The following ATP9A variants were observed in gnomAD, a reference collection of about 807,000 sequenced individuals.
The protein encoded by ATP9A is probable phospholipid-transporting ATPase IIA.
Under a neutral mutation model 144.1 loss-of-function variants are expected in ATP9A, and 52 were observed. That is an observed-to-expected ratio of 0.36 (90% CI 0.29 to 0.45). The LOEUF is 0.45. Ranked by LOEUF, ATP9A falls within the 20% of genes least tolerant of loss-of-function variation. The probability of loss-of-function intolerance (pLI) is 1.00; values close to 1 mark genes in which losing one functional copy is unlikely to be tolerated. For missense variants in ATP9A, 947 were observed against 1,392.7 expected (o/e 0.68, Z 5.09); for synonymous variants, 582 against 557.4 (o/e 1.04, Z -0.62).
At chr20:51,629,910 A>G (rs141939554) in intron 15 of ATP9A, among the ~76,000 whole-genome samples, 2 of 152,348 alleles carry the variant, frequency 1.3e-5, no homozygotes, top group Non-Finnish European at 2.9e-5. Context: ...AGGACCCCTC[A>G]GTGGTATAAC....
intron 18 of ATP9A, among the ~76,000 whole-genome samples, chr20:51,624,049 G>A (rs1448007843): frequency 6.6e-6 from 1 of 152,184 alleles, no homozygotes; most frequent in African/African-American, 2.4e-5. Context: ...GAAGTCTTAG[G>A]AATGGCCAGG....
At chr20:51,683,441 T>C (rs1294341651) in intron 9 of ATP9A, among the ~76,000 whole-genome samples, 2 of 151,778 alleles carry the variant, frequency 1.3e-5, no homozygotes, top group Non-Finnish European at 2.9e-5. Context: ...ATTATTATTA[T>C]TATTATTATT....
chr20:51,616,914 T>TA (rs1209849076), intron 22 of ATP9A, among the ~76,000 whole-genome samples: 1 of 151,580 alleles, frequency 6.6e-6, no homozygotes, highest in African/African-American at 2.4e-5. Flanking sequence ...GAAGTATACT[T>TA]ACCATACCCT....
At chr20:51,725,659 T>C (rs1469504347) in intron 3 of ATP9A, among the ~76,000 whole-genome samples, 160 bp downstream of exon 3, 1 of 152,166 alleles carries the variant, frequency 6.6e-6, no homozygotes, top group Non-Finnish European at 1.5e-5. Flanking sequence ...GAAATGGAGC[T>C]TCAACGTTAA....
At chr20:51,619,075 T>C (rs374621594) in intron 19 of ATP9A, 32 bp from the exon 20 acceptor site, 55 of 1,580,374 alleles carry the variant, frequency 3.5e-5, no homozygotes, top group African/African-American at 8.1e-5. Flanking sequence ...GAAGGAGGCA[T>C]TGCTCTCCGG....
chr20:51,752,997 G>A (rs983018257), intron 1 of ATP9A, among the ~76,000 whole-genome samples: 2 of 152,192 alleles, frequency 1.3e-5, no homozygotes, highest in East Asian at 1.9e-4. Context: ...AGCTACTTGG[G>A]AGGCTGAGGC....
rs140745192 is a variant in ATP9A at position 51,706,410 on chromosome 20, T to C, written c.436+6556A>G. Among the ~76,000 whole-genome samples the C allele has an allele frequency of 2.2e-4, 34 of 152,268 alleles. No homozygotes were observed. In the East Asian group the frequency reaches 3.5e-3, roughly 16 times the overall value. On this transcript the variant is annotated intron_variant, in intron 4 of 27. Transcript: ENST00000338821. ...CCTAGCAATGAGTGAGAGAAAGAAA[T>C]GTTTTCCTTCCCTACATCCACACCC... is the stretch of plus-strand genomic sequence containing the variant.
intron 4 of ATP9A, among the ~76,000 whole-genome samples, chr20:51,708,714 C>T (rs373863737): frequency 3.9e-5 from 6 of 151,992 alleles, no homozygotes; most frequent in African/African-American, 1.2e-4. Flanking sequence ...CTAGCCTGGG[C>T]GACAGAGCAA....
At chr20:51,696,786 T>C (rs2077572465) in intron 5 of ATP9A, among the ~76,000 whole-genome samples, 1 of 152,200 alleles carries the variant, frequency 6.6e-6, no homozygotes, top group South Asian at 2.1e-4. Context: ...TAGCTCAATT[T>C]CTACAGAAAC....
At chr20:51,644,267 C>CTT (rs772071945) in intron 14 of ATP9A, among the ~76,000 whole-genome samples, 3,340 of 75,396 alleles carry the variant, frequency 0.044, 283 homozygotes, top group African/African-American at 0.089. Flanking sequence ...TTACTTCTAG[C>CTT]TTTTTTTTTT....
chr20:51,656,435 C>T (rs567973187), intron 14 of ATP9A, among the ~76,000 whole-genome samples: 3 of 152,180 alleles, frequency 2.0e-5, no homozygotes, highest in Middle Eastern at 3.4e-3. Flanking sequence ...TGCCTGTAAT[C>T]CCAGCTATTC....
intron 3 of ATP9A, among the ~76,000 whole-genome samples, chr20:51,720,690 C>T (rs1601125892): frequency 6.6e-6 from 1 of 152,060 alleles, no homozygotes; most frequent in Admixed American, 6.6e-5. Flanking sequence ...AAAAATTAGC[C>T]GGGTGTGGTA....
At chr20:51,697,974 TTAGA>T (rs1476386618) in intron 4 of ATP9A, among the ~76,000 whole-genome samples, 1 of 152,222 alleles carries the variant, frequency 6.6e-6, no homozygotes, top group South Asian at 2.1e-4. Context: ...TGCTGGATGT[TTAGA>T]TAAACAGTAA....
At chr20:51,735,505 G>A (rs888670986) in intron 1 of ATP9A, among the ~76,000 whole-genome samples, 4 of 152,208 alleles carry the variant, frequency 2.6e-5, no homozygotes, top group Non-Finnish European at 4.4e-5. Flanking sequence ...ATAAGAGTAA[G>A]CATTATTTTA....
At chr20:51,763,800 C>T (rs1005117110) in intron 1 of ATP9A, among the ~76,000 whole-genome samples, 7 of 152,112 alleles carry the variant, frequency 4.6e-5, no homozygotes, top group African/African-American at 1.7e-4. Flanking sequence ...TGGCCACCCA[C>T]AAAACGTAGA....
intron 17 of ATP9A, among the ~76,000 whole-genome samples, chr20:51,627,307 T>C (rs2077253314): frequency 6.6e-6 from 1 of 152,042 alleles, no homozygotes; most frequent in African/African-American, 2.4e-5. Flanking sequence ...TGAAATGGTA[T>C]GATGGATGGA....
intron 21 of ATP9A, among the ~76,000 whole-genome samples, 164 bp downstream of exon 21, chr20:51,618,498 A>G (rs1346062071): frequency 6.6e-6 from 1 of 152,228 alleles, no homozygotes; most frequent in Non-Finnish European, 1.5e-5. Context: ...ATTAAAAATA[A>G]TAACAAAAAG....
rs376567930 is a variant in ATP9A, at chr20:51,745,847, A to G, written c.69-15869T>C. The stretch of plus-strand genomic sequence containing the variant: ...AGTTTATTTCAATACCCAAAGGAAT[A>G]TACATCATTCTACCATAAAGACACA... On this transcript the variant is annotated intron_variant, in intron 1 of 27. Coordinates refer to ENST00000338821, the MANE Select transcript of ATP9A (RefSeq NM_006045.3). 1.3e-4 allele frequency among the ~76,000 whole-genome samples: 20 copies of G among 152,302 alleles called. 3 individuals carry two copies. The highest frequency in any genetic ancestry group is 2.0e-4 in the Admixed American group (3 of 15,294).
chr20:51,635,802 G>GAGGA (rs1555830936), intron 15 of ATP9A, among the ~76,000 whole-genome samples: 82 of 46,698 alleles, frequency 1.8e-3, no homozygotes, highest in African/African-American at 5.1e-3. Context: ...AGGAGGGGAG[G>GAGGA]AGGAAGGAAG....
Sources: allele counts gnomAD v4.1 joint callset (sites outside exome capture counted in the v4.1 genomes callset), GRCh38; gene constraint gnomAD v4.1.1; transcripts MANE v1.5; gene names NCBI Gene and HGNC (gene_info 2026-07-23, HGNC 2026-07-21).